The following SPHKAP variants were observed in gnomAD, a reference collection of about 807,000 sequenced individuals.
The protein encoded by SPHKAP is A-kinase anchor protein SPHKAP.
SPHKAP carries 67 observed loss-of-function variants against 137.5 expected under a neutral mutation model. The observed-to-expected ratio is 0.49, with a 90% CI of 0.40 to 0.60. The LOEUF (loss-of-function observed/expected upper bound fraction) is 0.60, where lower values mean the gene tolerates loss of function less well. SPHKAP is among the 20% of genes least tolerant of loss of function. The probability of loss-of-function intolerance (pLI) is 0.00; values close to 1 mark genes in which losing one functional copy is unlikely to be tolerated. For missense variants in SPHKAP, 2,097 were observed against 2,069.3 expected, an observed-to-expected ratio of 1.01 and a Z score of -0.26; for synonymous variants, 813 against 785.3, an observed-to-expected ratio of 1.04 and a Z score of -0.59.
chr2:228,006,813 C>A (rs1374730134), intron 7 of SPHKAP, among the ~76,000 whole-genome samples: 1 of 152,136 alleles, frequency 6.6e-6, no homozygotes, highest in Non-Finnish European at 1.5e-5. Flanking sequence ...CACTCCAGAC[C>A]CTGTTTGCCT....
chr2:228,109,227 C>A (rs1175302205), intron 2 of SPHKAP: 1 of 322,996 alleles, frequency 3.1e-6, no homozygotes, highest in African/African-American at 2.2e-5. Flanking sequence ...AATTTGCAAT[C>A]AAATGATTGT....
intron 7 of SPHKAP, among the ~76,000 whole-genome samples, chr2:228,015,800 A>G (rs1441455073): frequency 6.6e-6 from 1 of 152,208 alleles, no homozygotes; most frequent in African/African-American, 2.4e-5. Flanking sequence ...GACAAAAAAC[A>G]AAAACAGAAA....
chr2:228,095,482 G>C lies in SPHKAP; in HGVS notation c.246+13350C>G, dbSNP rs181598355. On this transcript the variant is annotated intron_variant, in intron 3 of 11. Coordinates refer to ENST00000392056, the MANE Select transcript of SPHKAP (RefSeq NM_001142644.2). ...GTGTTTTTAAAGCCCTGGAGAAATA[G>C]CTAATTTTCAGAAGCTGTGTGGGGG... is the stretch of plus-strand genomic sequence containing the variant. 2.1e-3 allele frequency among the ~76,000 whole-genome samples: 315 copies of C among 152,270 alleles called. 1 individual carries two copies. Among genetic ancestry groups the C allele is most frequent in the Middle Eastern group, 0.017 (5 of 294 alleles).
intron 3 of SPHKAP, among the ~76,000 whole-genome samples, chr2:228,061,289 T>C (rs893045296): frequency 2.0e-5 from 3 of 152,016 alleles, no homozygotes; most frequent in East Asian, 1.9e-4. Flanking sequence ...TGAGATGGAG[T>C]CTTGCTCTGT....
chr2:228,121,077 C>T (rs1574867857), intron 2 of SPHKAP, among the ~76,000 whole-genome samples: 2 of 152,274 alleles, frequency 1.3e-5, no homozygotes, highest in East Asian at 3.9e-4. Flanking sequence ...TGAAAGCCTT[C>T]CATTGACTTT....
At chr2:228,162,904 G>T (rs1463321095) in intron 1 of SPHKAP, among the ~76,000 whole-genome samples, 1 of 152,152 alleles carries the variant, frequency 6.6e-6, no homozygotes, top group Non-Finnish European at 1.5e-5. Flanking sequence ...TCACCATGTT[G>T]GTCAGGCTGG....
intron 1 of SPHKAP, among the ~76,000 whole-genome samples, chr2:228,166,354 C>A (rs1327136693): frequency 1.3e-5 from 2 of 152,148 alleles, no homozygotes; most frequent in African/African-American, 4.8e-5. Flanking sequence ...AACATATTAA[C>A]CTTGTTCAAC....
At chr2:228,022,857 A>T (rs1038763837) in intron 5 of SPHKAP, among the ~76,000 whole-genome samples, 3 of 152,318 alleles carry the variant, frequency 2.0e-5, no homozygotes, top group African/African-American at 7.2e-5. Flanking sequence ...TAAAACCTCT[A>T]CTACTAGTAC....
chr2:228,157,821 G>A (rs1036810860), intron 1 of SPHKAP, among the ~76,000 whole-genome samples: 6 of 152,118 alleles, frequency 3.9e-5, no homozygotes, highest in Non-Finnish European at 7.4e-5. Flanking sequence ...GACTGTTTAG[G>A]TGGCCACAGA....
chr2:228,125,354 C>T (rs1699041007), intron 2 of SPHKAP, among the ~76,000 whole-genome samples: 1 of 152,172 alleles, frequency 6.6e-6, no homozygotes, highest in South Asian at 2.1e-4. Flanking sequence ...GCTACATTTA[C>T]ATCCATTTTT....
chr2:228,092,457 C>CATATATGT (rs796215024), intron 3 of SPHKAP, among the ~76,000 whole-genome samples: 717 of 8,714 alleles, frequency 0.082, no homozygotes, highest in Non-Finnish European at 0.11. Flanking sequence ...TATATGTATA[C>CATATATGT]ATATATGTGC....
intron 2 of SPHKAP, among the ~76,000 whole-genome samples, chr2:228,109,622 G>C (rs541106146): frequency 6.2e-4 from 94 of 152,272 alleles, no homozygotes; most frequent in Non-Finnish European, 1.2e-3. Context: ...TTTTGGAGCT[G>C]AGATATTTTG....
intron 1 of SPHKAP, among the ~76,000 whole-genome samples, chr2:228,173,806 G>T (rs1559215031): frequency 6.6e-6 from 1 of 152,246 alleles, no homozygotes. Flanking sequence ...CAATAGAAAA[G>T]CAATACGATG....
At chr2:228,093,755 G>T (rs949884145) in intron 3 of SPHKAP, among the ~76,000 whole-genome samples, 4 of 150,228 alleles carry the variant, frequency 2.7e-5, no homozygotes, top group Non-Finnish European at 5.9e-5. Context: ...CTACTCAAGA[G>T]GCTGAGGCAG....
At chr2:228,071,283 C>T (rs1310466524) in intron 3 of SPHKAP, among the ~76,000 whole-genome samples, 2 of 152,196 alleles carry the variant, frequency 1.3e-5, no homozygotes, top group African/African-American at 4.8e-5. Flanking sequence ...CAAGTTTTCC[C>T]CCCAAATAGG....
intron 8 of SPHKAP, 101 bp downstream of exon 8, chr2:227,995,405 CCTT>C (rs1182915796): frequency 4.3e-6 from 6 of 1,397,096 alleles, no homozygotes; most frequent in African/African-American, 2.9e-5. Flanking sequence ...TTTGTTCTCT[CCTT>C]CTCTCTTTAT....
At chr2:228,048,130 GCTC>G (rs1696130766) in intron 3 of SPHKAP, among the ~76,000 whole-genome samples, 1 of 152,130 alleles carries the variant, frequency 6.6e-6, no homozygotes, top group Non-Finnish European at 1.5e-5. Flanking sequence ...GGGACACCAT[GCTC>G]CTTGAAATCC....
intron 3 of SPHKAP, among the ~76,000 whole-genome samples, chr2:228,055,988 C>T (rs546425637): frequency 1.3e-4 from 20 of 152,204 alleles, no homozygotes; most frequent in African/African-American, 2.6e-4. Context: ...TTGTGTTGTG[C>T]GCAACAGATC....
chr2:228,129,253 G>T (rs577164043), intron 2 of SPHKAP, among the ~76,000 whole-genome samples: 2 of 152,294 alleles, frequency 1.3e-5, no homozygotes, highest in African/African-American at 4.8e-5. Flanking sequence ...CGTTCTGTTG[G>T]AAAAGTGGTT....
Sources: allele counts gnomAD v4.1 joint callset (sites outside exome capture counted in the v4.1 genomes callset), GRCh38; gene constraint gnomAD v4.1.1; transcripts MANE v1.5; gene names NCBI Gene and HGNC (gene_info 2026-07-23, HGNC 2026-07-21).